The following GRIN2B variants were observed in gnomAD, a reference collection of about 807,000 sequenced individuals.
GRIN2B encodes the protein glutamate receptor ionotropic, NMDA 2B.
A neutral mutation model predicts 114.5 loss-of-function variants in GRIN2B; 5 were observed. That is an observed-to-expected ratio of 0.04 (90% CI 0.02 to 0.09). The LOEUF (loss-of-function observed/expected upper bound fraction) is 0.09, where lower values mean the gene tolerates loss of function less well. Among genes scored for constraint, GRIN2B ranks in the 10% least tolerant of loss-of-function variants. GRIN2B has a pLI of 1.00. For missense variants in GRIN2B, 1,108 were observed against 1,943.5 expected (o/e 0.57, Z 8.08); for synonymous variants, 787 against 745.1 (o/e 1.06, Z -0.92).
intron 2 of GRIN2B, among the ~76,000 whole-genome samples, chr12:13,899,144 T>A (rs1866402651): frequency 6.6e-6 from 1 of 152,122 alleles, no homozygotes; most frequent in Non-Finnish European, 1.5e-5. Context: ...ACTCAAAATA[T>A]ATTATGAAAG....
At chr12:13,868,427 T>C (rs933129151) in intron 2 of GRIN2B, among the ~76,000 whole-genome samples, 9 of 151,122 alleles carry the variant, frequency 6.0e-5, no homozygotes, top group African/African-American at 2.2e-4. Flanking sequence ...CAGAAGGAGT[T>C]TGACACCACA....
At chr12:13,977,877 T>C (rs893428162) in intron 2 of GRIN2B, among the ~76,000 whole-genome samples, 7 of 152,240 alleles carry the variant, frequency 4.6e-5, no homozygotes, top group African/African-American at 1.7e-4. Flanking sequence ...ACCTCTCCTT[T>C]CCCTTTATAG....
chr12:13,968,118 G>T (rs1867817851), intron 2 of GRIN2B, among the ~76,000 whole-genome samples: 1 of 152,188 alleles, frequency 6.6e-6, no homozygotes, highest in South Asian at 2.1e-4. Context: ...AAAACTGCAG[G>T]TCACAATGTC....
chr12:13,837,118 C>T (rs1185748053), intron 3 of GRIN2B, among the ~76,000 whole-genome samples: 1 of 152,198 alleles, frequency 6.6e-6, no homozygotes, highest in African/African-American at 2.4e-5. Context: ...CCATAAACAT[C>T]CCACAACTCA....
intron 2 of GRIN2B, among the ~76,000 whole-genome samples, chr12:13,938,118 T>C (rs1419199193): frequency 2.0e-5 from 3 of 152,076 alleles, no homozygotes; most frequent in Non-Finnish European, 2.9e-5. Context: ...TGAAATATAT[T>C]TTATTTACCC....
At chr12:13,726,712 G>A (rs1862995952) in intron 4 of GRIN2B, among the ~76,000 whole-genome samples, 1 of 150,720 alleles carries the variant, frequency 6.6e-6, no homozygotes, top group African/African-American at 2.4e-5. Flanking sequence ...ATGGTATTTG[G>A]TTACATAAAT....
Position 13,611,231 on chromosome 12 carries a change from T to C in GRIN2B, c.1780+494A>G, listed in dbSNP as rs1459402297. Among the ~76,000 whole-genome samples the C allele has an allele frequency of 2.6e-5, 4 of 152,262 alleles. No homozygotes were observed. The South Asian group carries it at 6.2e-4, about 24-fold the overall frequency. On this transcript the variant is annotated intron_variant, in intron 9 of 13. Transcript: ENST00000609686. Reference sequence around the variant, plus strand: ...ACTTTTATACTCTCGGGCAAGGGGGTTGAACCAGGGGCATATGCTTTGGAG... The same window carrying C: ...ACTTTTATACTCTCGGGCAAGGGGGCTGAACCAGGGGCATATGCTTTGGAG...
At chr12:13,959,841 C>T (rs145787447) in intron 2 of GRIN2B, among the ~76,000 whole-genome samples, 1 of 149,512 alleles carries the variant, frequency 6.7e-6, no homozygotes, top group African/African-American at 2.5e-5. Flanking sequence ...TTTCTATCCA[C>T]CACTGGAGAT....
rs191389376 is a variant in GRIN2B, at chr12:13,704,685, T to G, written c.1011-28826A>C. ...CCATGTAATTCCATGAGATTTCTTC[T>G]CCCCATGGCTGCATCTATGTTAAAT... is the stretch of plus-strand genomic sequence containing the variant. On this transcript the variant is annotated intron_variant, in intron 4 of 13. Transcript: ENST00000609686. Among the ~76,000 whole-genome samples the G allele has an allele frequency of 1.1e-3, 171 of 152,184 alleles. 2 individuals are homozygous for G. Among genetic ancestry groups the G allele is most frequent in the Admixed American group, 0.01 (160 of 15,270 alleles).
At chr12:13,642,822 G>T (rs1487176213) in intron 5 of GRIN2B, among the ~76,000 whole-genome samples, 2 of 152,170 alleles carry the variant, frequency 1.3e-5, no homozygotes, top group African/African-American at 2.4e-5. Flanking sequence ...CTGAAGCCCA[G>T]ACTGGTTTAG....
At chr12:13,607,626 A>G (rs1222763683) in intron 10 of GRIN2B, among the ~76,000 whole-genome samples, 1 of 139,270 alleles carries the variant, frequency 7.2e-6, no homozygotes, top group Non-Finnish European at 1.5e-5. Context: ...CATTTGCTTA[A>G]GTGTGTAGGG....
At chr12:13,737,950 C>T (rs1050354519) in intron 4 of GRIN2B, among the ~76,000 whole-genome samples, 1 of 152,100 alleles carries the variant, frequency 6.6e-6, no homozygotes, top group Non-Finnish European at 1.5e-5. Context: ...AAAGCTATAC[C>T]TTGGCCTTGC....
chr12:13,793,887 GTCT>G (rs992422622), intron 3 of GRIN2B, among the ~76,000 whole-genome samples: 4 of 151,876 alleles, frequency 2.6e-5, no homozygotes, highest in African/African-American at 7.3e-5. Context: ...TAAAATCTGT[GTCT>G]TCAAGTCCTT....
intron 5 of GRIN2B, among the ~76,000 whole-genome samples, chr12:13,623,387 G>C (rs1334713353): frequency 1.3e-5 from 2 of 152,194 alleles, no homozygotes; most frequent in Non-Finnish European, 2.9e-5. Context: ...GAATACAACA[G>C]TTTGCAACAA....
In GRIN2B at chr12:13,545,824, G is replaced by A. The variant is rs1468602598; in HGVS notation, c.*16959C>T. 3 of 152,196 alleles carry A rather than the reference G, an allele frequency of 2.0e-5. No homozygotes were observed. The highest frequency in any genetic ancestry group is 1.5e-5 in the Non-Finnish European group (1 of 68,008). 9.4% of individuals were successfully genotyped at this position (152,196 alleles called of 1,614,324 possible). On this transcript the variant is annotated 3_prime_UTR_variant, in exon 14 of 14. Transcript: ENST00000609686. Reference sequence around the variant, plus strand: ...TGAATATTTGGGAGGATTACTTAACGTTTTAGCTTTCCTGGTTTGCTTAGA... The same window carrying A: ...TGAATATTTGGGAGGATTACTTAACATTTTAGCTTTCCTGGTTTGCTTAGA...
At chr12:13,857,364 C>CGCGT (rs942106883) in intron 3 of GRIN2B, among the ~76,000 whole-genome samples, 5 of 146,446 alleles carry the variant, frequency 3.4e-5, no homozygotes, top group African/African-American at 1.3e-4. Flanking sequence ...CTGTGGCGCA[C>CGCGT]GCGTGCATAC....
chr12:13,802,669 C>T (rs1409166318), intron 3 of GRIN2B, among the ~76,000 whole-genome samples: 1 of 152,020 alleles, frequency 6.6e-6, no homozygotes, highest in African/African-American at 2.4e-5. Context: ...TATATGAATA[C>T]AAATAAATTT....
At chr12:13,696,599 C>G (rs371305973) in intron 4 of GRIN2B, among the ~76,000 whole-genome samples, 15 of 152,248 alleles carry the variant, frequency 9.9e-5, no homozygotes, top group East Asian at 9.7e-4. Context: ...TGTGCCAGAC[C>G]TATGCTGAAT....
chr12:13,837,207 T>C (rs886155427), intron 3 of GRIN2B, among the ~76,000 whole-genome samples: 1 of 152,180 alleles, frequency 6.6e-6, no homozygotes, highest in Non-Finnish European at 1.5e-5. Flanking sequence ...CTTCACTATA[T>C]CCCTAGCTAA....
Sources: allele counts gnomAD v4.1 joint callset (sites outside exome capture counted in the v4.1 genomes callset), GRCh38; gene constraint gnomAD v4.1.1; transcripts MANE v1.5; gene names NCBI Gene and HGNC (gene_info 2026-07-23, HGNC 2026-07-21).